RHEX: variants seen among roughly 807,000 people sequenced by gnomAD.
RHEX encodes regulator of hemoglobinization and erythroid cell expansion protein.
In RHEX, 18 loss-of-function variants were observed where a neutral mutation model predicts 20.1. That is an observed-to-expected ratio of 0.90 (90% CI 0.62 to 1.33). The LOEUF (loss-of-function observed/expected upper bound fraction) is 1.33, where lower values mean the gene tolerates loss of function less well. Among genes scored for constraint, RHEX ranks in the 40% most tolerant of loss-of-function variants. RHEX has a pLI of 0.00. For synonymous variants in RHEX, 87 were observed against 77.1 expected (o/e 1.13, Z -0.67); for missense variants, 192 against 214.3 (o/e 0.90, Z 0.65).
At chr1:206,064,277 C>A (rs1571854501) in intron 1 of RHEX, among the ~76,000 whole-genome samples, 1 of 144,380 alleles carries the variant, frequency 6.9e-6, no homozygotes, top group East Asian at 2.1e-4. Context: ...GGTCAGCCCC[C>A]CGCCCGGCCA....
At chr1:206,077,950 C>T (rs1002878665) in intron 1 of RHEX, among the ~76,000 whole-genome samples, 6 of 152,164 alleles carry the variant, frequency 3.9e-5, no homozygotes, top group Non-Finnish European at 8.8e-5. Flanking sequence ...GCCAAATAGC[C>T]AGATTGTCCA....
At chr1:206,064,194 G>T (rs1203024765) in intron 1 of RHEX, among the ~76,000 whole-genome samples, 5 of 143,000 alleles carry the variant, frequency 3.5e-5, no homozygotes, top group Non-Finnish European at 3.0e-5. Flanking sequence ...CTCTCCGCCC[G>T]GCAGCCGCCC....
intron 1 of RHEX, among the ~76,000 whole-genome samples, chr1:206,077,963 T>G (rs994824557): frequency 1.3e-5 from 2 of 152,208 alleles, no homozygotes; most frequent in Non-Finnish European, 2.9e-5. Context: ...ATTGTCCACA[T>G]GGGTGCTGAG....
At chr1:206,063,573 T>C (rs1247898289) in intron 1 of RHEX, among the ~76,000 whole-genome samples, 2 of 152,244 alleles carry the variant, frequency 1.3e-5, no homozygotes, top group African/African-American at 4.8e-5. Flanking sequence ...CCTATTTTTT[T>C]GGTGGAGACG....
At chr1:206,085,270 C>A (rs537548416) in intron 1 of RHEX, among the ~76,000 whole-genome samples, 1 of 152,074 alleles carries the variant, frequency 6.6e-6, no homozygotes, top group Admixed American at 6.5e-5. Context: ...CTATCCCTGC[C>A]GTGTTTTTAC....
chr1:206,088,305 G>C (rs1453317942), intron 1 of RHEX, among the ~76,000 whole-genome samples: 1 of 152,100 alleles, frequency 6.6e-6, no homozygotes, highest in African/African-American at 2.4e-5. Context: ...TGAATAAAGT[G>C]CATTTAAATA....
intron 1 of RHEX, 48 bp from the exon 2 acceptor site, chr1:206,097,685 T>C (rs958067708): frequency 1.6e-5 from 21 of 1,283,052 alleles, no homozygotes; most frequent in Non-Finnish European, 2.3e-5. Flanking sequence ...CCAAGGGAAA[T>C]TTGTATAAAG....
chr1:206,064,833 G>A (rs912150979), intron 1 of RHEX, among the ~76,000 whole-genome samples: 4 of 152,130 alleles, frequency 2.6e-5, no homozygotes, highest in East Asian at 3.9e-4. Flanking sequence ...GTGGAATAGA[G>A]AGTGGGGAAA....
At chr1:206,087,756 A>ATT (rs1199759470) in intron 1 of RHEX, among the ~76,000 whole-genome samples, 1 of 152,234 alleles carries the variant, frequency 6.6e-6, no homozygotes, top group Non-Finnish European at 1.5e-5. Flanking sequence ...ATCTAGGCTT[A>ATT]TTTCAATGTC....
intron 1 of RHEX, among the ~76,000 whole-genome samples, chr1:206,066,021 G>A (rs1662415050): frequency 6.6e-6 from 1 of 152,260 alleles, no homozygotes; most frequent in Non-Finnish European, 1.5e-5. Context: ...ATCGCTGGCT[G>A]GATGTGTTCA....
chr1:206,094,616 T>C (rs1663029762), intron 1 of RHEX, among the ~76,000 whole-genome samples: 2 of 152,208 alleles, frequency 1.3e-5, no homozygotes, highest in South Asian at 4.1e-4. Context: ...GACACTGAAT[T>C]CAATAATTAA....
At chr1:206,101,586 A>G (rs1663187460) in intron 5 of RHEX, among the ~76,000 whole-genome samples, 166 bp from the exon 6 acceptor site, 1 of 152,116 alleles carries the variant, frequency 6.6e-6, no homozygotes, top group African/African-American at 2.4e-5. Flanking sequence ...AGTCACTGGT[A>G]ATCTTCCTCA....
chr1:206,093,481 G>A (rs1481968477), intron 1 of RHEX, among the ~76,000 whole-genome samples: 1 of 152,032 alleles, frequency 6.6e-6, no homozygotes, highest in Non-Finnish European at 1.5e-5. Context: ...ATCTTGGCCA[G>A]GCTGGTCTTG....
chr1:206,077,506 T>G (rs1413352439), intron 1 of RHEX, among the ~76,000 whole-genome samples: 1 of 152,154 alleles, frequency 6.6e-6, no homozygotes, highest in Non-Finnish European at 1.5e-5. Flanking sequence ...GTGTGGTGGC[T>G]CACATCTGTA....
intron 1 of RHEX, among the ~76,000 whole-genome samples, chr1:206,074,416 A>G (rs1662593730): frequency 6.6e-6 from 1 of 152,244 alleles, no homozygotes; most frequent in Non-Finnish European, 1.5e-5. Context: ...TGTCAGAGCT[A>G]CTTGGAGGGA....
At position 206,071,841 on chromosome 1, in the gene RHEX, G is replaced by A. The variant is rs773787222; in HGVS notation, c.-97+18576G>A. On this transcript the variant is annotated intron_variant, in intron 1 of 5. Coordinates refer to ENST00000331555, the MANE Select transcript of RHEX (RefSeq NM_001007544.4). ...TCTAGCCTCGGTAACAAAGTGAGACGCCCCCTGTCCAACAACTCAAAAAAA... is the reference window on the plus strand; with the variant it reads ...TCTAGCCTCGGTAACAAAGTGAGACACCCCCTGTCCAACAACTCAAAAAAA... 1.5e-4 allele frequency among the ~76,000 whole-genome samples: 21 copies of A among 140,544 alleles called. No homozygotes were observed. In the South Asian group the frequency reaches 1.8e-3, roughly 12 times the overall value. 92.2% of individuals were successfully genotyped at this position (140,544 alleles called of 152,430 possible). A position where few individuals can be genotyped will look rare whatever the true frequency, so the allele number is the denominator to read the frequency against.
intron 1 of RHEX, among the ~76,000 whole-genome samples, chr1:206,055,983 C>T (rs1662187650): frequency 6.6e-6 from 1 of 152,260 alleles, no homozygotes; most frequent in East Asian, 1.9e-4. Flanking sequence ...ACATAAAGTC[C>T]CCCTATGCTG....
At chr1:206,061,426 G>A (rs1283915688) in intron 1 of RHEX, 1 of 152,268 alleles carries the variant, frequency 6.6e-6, no homozygotes, top group Non-Finnish European at 1.5e-5. Flanking sequence ...CGCATGTAGA[G>A]AGGGGGATCC....
chr1:206,081,859 T>C (rs1182704999), intron 1 of RHEX, among the ~76,000 whole-genome samples: 1 of 152,104 alleles, frequency 6.6e-6, no homozygotes, highest in East Asian at 1.9e-4. Context: ...TGTGAATGGA[T>C]AATAGAAATA....
Sources: allele counts gnomAD v4.1 joint callset (sites outside exome capture counted in the v4.1 genomes callset), GRCh38; gene constraint gnomAD v4.1.1; transcripts MANE v1.5; gene names NCBI Gene and HGNC (gene_info 2026-07-23, HGNC 2026-07-21).